Variants in NASP observed in about 807,000 individuals in gnomAD.
NASP encodes nuclear autoantigenic sperm protein.
In NASP, 24 loss-of-function variants were observed where a neutral mutation model predicts 89.5. That is an observed-to-expected ratio of 0.27 (90% CI 0.19 to 0.38). The LOEUF (loss-of-function observed/expected upper bound fraction) is 0.38, where lower values mean the gene tolerates loss of function less well. Ranked by LOEUF, NASP falls within the 10% of genes least tolerant of loss-of-function variation. The pLI, the probability that NASP is intolerant of heterozygous loss-of-function variation, is 1.00. For synonymous variants in NASP, 306 were observed against 324.7 expected (o/e 0.94, Z 0.62); for missense variants, 848 against 921.4 (o/e 0.92, Z 1.03).
chr1:45,590,768 G>T (rs565299460), intron 1 of NASP, among the ~76,000 whole-genome samples: 9 of 143,552 alleles, frequency 6.3e-5, no homozygotes, highest in African/African-American at 2.1e-4. Context: ...TGTTATAGAA[G>T]GTTATATAGG....
At chr1:45,616,795 A>G (rs1644113811) in intron 13 of NASP, 92 bp downstream of exon 13, 3 of 1,184,112 alleles carry the variant, frequency 2.5e-6, no homozygotes, top group Admixed American at 1.8e-5. Context: ...GTTGGTGCAT[A>G]TAAGACACTT....
chr1:45,594,715 C>G (rs1229709518), intron 2 of NASP: 2 of 455,318 alleles, frequency 4.4e-6, no homozygotes, highest in Admixed American at 2.4e-5. Flanking sequence ...CGTCACGTTG[C>G]CCAGGCTGGG....
intron 2 of NASP, among the ~76,000 whole-genome samples, chr1:45,600,628 C>A (rs1447193000): frequency 6.6e-6 from 1 of 152,132 alleles, no homozygotes; most frequent in Admixed American, 6.5e-5. Flanking sequence ...TTTTGGCTTA[C>A]AAATAAAGCT....
At position 45,613,813 on chromosome 1, in the gene NASP, G is replaced by C. The variant is rs139598885; in HGVS notation, c.1507-283G>C. ...CTAGGCATGATTATTATAGATAACTGTCTCTTGATTATGGATTAGGGACCC... is the reference window on the plus strand; with the variant it reads ...CTAGGCATGATTATTATAGATAACTCTCTCTTGATTATGGATTAGGGACCC... On this transcript the variant is annotated intron_variant, in intron 7 of 14. Coordinates refer to ENST00000350030, the MANE Select transcript of NASP (RefSeq NM_002482.4). Among the ~76,000 whole-genome samples the C allele has an allele frequency of 5.9e-3, 896 of 152,254 alleles. 5 individuals are homozygous for C. Among genetic ancestry groups the C allele is most frequent in the South Asian group, 0.023 (109 of 4,826 alleles).
chr1:45,606,665 C>G, intron 5 of NASP, 74 bp downstream of exon 5: 1 of 1,009,314 alleles, frequency 9.9e-7, no homozygotes, highest in Non-Finnish European at 1.5e-6. Context: ...GGAAACGGGG[C>G]TCTACCTGTC....
chr1:45,592,400 A>G (rs974192907), intron 2 of NASP, among the ~76,000 whole-genome samples: 5 of 152,234 alleles, frequency 3.3e-5, no homozygotes, highest in Admixed American at 3.3e-4. Context: ...AGCCTGATCT[A>G]CCATGCCCAG....
intron 14 of NASP, 57 bp from the exon 15 acceptor site, chr1:45,618,004 T>G: frequency 2.0e-6 from 3 of 1,489,880 alleles, no homozygotes; most frequent in Non-Finnish European, 1.8e-6. Flanking sequence ...CTCAGTTATA[T>G]AAGACAGAAT....
Position 45,605,069 on chromosome 1 carries a change from G to C in NASP, c.299+53G>C, listed in dbSNP as rs1388161904. 4 of 1,380,568 alleles carry C rather than the reference G, an allele frequency of 2.9e-6. No homozygotes were observed. In the African/African-American group the frequency reaches 4.3e-5, roughly 15 times the overall value. The allele number at this position is 1,380,568 out of a possible 1,614,324, so 85.5% of individuals were successfully genotyped here. On this transcript the variant is annotated intron_variant, in intron 4 of 14. Transcript: ENST00000350030. ...GTTTCCTTGTTAAGATTGTTTACTA[G>C]CTTTGAGATTTCACAGGAGCTAAGC...
intron 1 of NASP, among the ~76,000 whole-genome samples, chr1:45,585,620 T>C (rs1293163284): frequency 6.6e-6 from 1 of 152,210 alleles, no homozygotes; most frequent in Non-Finnish European, 1.5e-5. Context: ...TTATAATGTT[T>C]CCTAGACAGC....
chr1:45,600,874 CTATTATAGTGAATA>C (rs1375525475), intron 2 of NASP, among the ~76,000 whole-genome samples: 2 of 152,146 alleles, frequency 1.3e-5, no homozygotes, highest in African/African-American at 4.8e-5. Flanking sequence ...AAAATTTTAG[CTATTATAGTGAATA>C]TAGCAGTATC....
intron 1 of NASP, among the ~76,000 whole-genome samples, chr1:45,585,586 A>T (rs1380422319): frequency 1.3e-5 from 2 of 152,206 alleles, no homozygotes; most frequent in Non-Finnish European, 2.9e-5. Context: ...GTCGTGCTAT[A>T]GCTATTATAA....
intron 3 of NASP, among the ~76,000 whole-genome samples, chr1:45,603,515 T>C (rs1643876422): frequency 6.6e-6 from 1 of 152,194 alleles, no homozygotes; most frequent in Non-Finnish European, 1.5e-5. Context: ...AAAAATCTTT[T>C]GTCTGATTCC....
At chr1:45,590,105 T>G (rs1014593659) in intron 1 of NASP, among the ~76,000 whole-genome samples, 2 of 152,160 alleles carry the variant, frequency 1.3e-5, no homozygotes, top group African/African-American at 4.8e-5. Flanking sequence ...GAGCTCAAAC[T>G]GTTATAACCG....
intron 6 of NASP, 120 bp downstream of exon 6, chr1:45,608,457 G>T: frequency 9.5e-7 from 1 of 1,050,980 alleles, no homozygotes; most frequent in East Asian, 2.6e-5. Context: ...TTAGGAAAGG[G>T]CTAAATGAAA....
At chr1:45,601,999 G>A (rs1219649323) in intron 2 of NASP, among the ~76,000 whole-genome samples, 1 of 151,888 alleles carries the variant, frequency 6.6e-6, no homozygotes, top group Non-Finnish European at 1.5e-5. Flanking sequence ...TGGTCTGCCC[G>A]CCTCGGCCTC....
At chr1:45,604,755 G>A (rs1391746718) in intron 3 of NASP, among the ~76,000 whole-genome samples, 181 bp from the exon 4 acceptor site, 1 of 152,124 alleles carries the variant, frequency 6.6e-6, no homozygotes, top group Non-Finnish European at 1.5e-5. Context: ...ATTATATATT[G>A]ATAAAGAGCA....
At chr1:45,592,518 G>T (rs1328231306) in intron 2 of NASP, among the ~76,000 whole-genome samples, 1 of 151,696 alleles carries the variant, frequency 6.6e-6, no homozygotes, top group Non-Finnish European at 1.5e-5. Context: ...CAAATATTTT[G>T]TTTGTTTGTT....
intron 14 of NASP, 152 bp downstream of exon 14, chr1:45,617,743 C>A: frequency 9.9e-7 from 1 of 1,010,116 alleles, no homozygotes; most frequent in Non-Finnish European, 1.4e-6. Flanking sequence ...TGCAGGAAAA[C>A]AGTTTGGTTA....
chr1:45,607,165 T>A (rs937180797), intron 5 of NASP, 156 bp from the exon 6 acceptor site: 6 of 745,374 alleles, frequency 8.0e-6, no homozygotes, highest in Non-Finnish European at 1.3e-5. Flanking sequence ...GGATGCTCCC[T>A]TTCCTTTTCT....
Sources: allele counts gnomAD v4.1 joint callset (sites outside exome capture counted in the v4.1 genomes callset), GRCh38; gene constraint gnomAD v4.1.1; transcripts MANE v1.5; gene names NCBI Gene and HGNC (gene_info 2026-07-23, HGNC 2026-07-21).